The following PDE1A variants were observed in gnomAD, a reference collection of about 807,000 sequenced individuals.
PDE1A encodes the protein dual specificity calcium/calmodulin-dependent 3',5'-cyclic nucleotide phosphodiesterase 1A.
In PDE1A, 35 loss-of-function variants were observed where a neutral mutation model predicts 61.7. The observed-to-expected ratio is 0.57, with a 90% CI of 0.43 to 0.75. The LOEUF is 0.75. Among genes scored for constraint, PDE1A ranks in the 30% least tolerant of loss-of-function variants. PDE1A has a pLI of 0.00. For missense variants in PDE1A, 597 were observed against 630.6 expected (o/e 0.95, Z 0.57); for synonymous variants, 232 against 213.2 (o/e 1.09, Z -0.77).
intron 2 of PDE1A, among the ~76,000 whole-genome samples, chr2:182,518,588 G>A (rs768742470): frequency 1.3e-5 from 2 of 152,126 alleles, no homozygotes; most frequent in African/African-American, 2.4e-5. Flanking sequence ...TAAAATTAGC[G>A]ATCAGATATA....
At chr2:182,181,581 C>T (rs574000195) in intron 13 of PDE1A, among the ~76,000 whole-genome samples, 341 of 152,332 alleles carry the variant, frequency 2.2e-3, no homozygotes, top group Non-Finnish European at 3.0e-3. Context: ...AGAACTGGTG[C>T]ACTCTGCTGG....
At chr2:182,567,703 T>C in the PDE1A span, among the ~76,000 whole-genome samples, 4 of 152,148 alleles carry the variant, frequency 2.6e-5, no homozygotes, top group Admixed American at 6.5e-5. Flanking sequence ...TTGGTTGAAA[T>C]AAAATCTAAT....
At chr2:182,694,833 G>GC in the PDE1A span, among the ~76,000 whole-genome samples, 6 of 101,890 alleles carry the variant, frequency 5.9e-5, no homozygotes, top group African/African-American at 1.8e-4. Flanking sequence ...GGTGGGGGGG[G>GC]GGCAACAGTT....
intron 1 of PDE1A, among the ~76,000 whole-genome samples, chr2:182,326,866 G>T (rs568289158): frequency 6.6e-6 from 1 of 152,194 alleles, no homozygotes; most frequent in East Asian, 1.9e-4. Flanking sequence ...TCTGAATATT[G>T]GTGATTCAGT....
In PDE1A at chr2:182,335,256, G is replaced by T. The variant is rs541795381; in HGVS notation, c.54-70842C>A. On this transcript the variant is annotated intron_variant, in intron 1 of 13. Coordinates refer to ENST00000351439, the Ensembl canonical transcript of PDE1A. ...ACCACTGACTTTCTTCACAGAATTA[G>T]AAAAAATGACTTTAAATTTCATATT... 9.9e-5 allele frequency among the ~76,000 whole-genome samples: 15 copies of T among 152,198 alleles called. 1 individual carries two copies. The South Asian group carries it at 3.1e-3, about 32-fold the overall frequency.
chr2:182,431,021 G>A (rs1410594502), upstream of PDE1A, among the ~76,000 whole-genome samples: 3 of 136,796 alleles, frequency 2.2e-5, no homozygotes, highest in Non-Finnish European at 4.8e-5. Flanking sequence ...ATGAGTTAGT[G>A]GGTGCAGCGC....
At chr2:182,716,408 G>C in the PDE1A span, 2 of 152,548 alleles carry the variant, frequency 1.3e-5, no homozygotes, top group Admixed American at 1.3e-4. Context: ...CGGTGCTTGG[G>C]CTCGGCCAGG....
intron 2 of PDE1A, among the ~76,000 whole-genome samples, chr2:182,513,431 C>A (rs1318981715): frequency 6.6e-6 from 1 of 152,218 alleles, no homozygotes; most frequent in African/African-American, 2.4e-5. Flanking sequence ...ACCTGCTTTA[C>A]AAGAGGTCCT....
At chr2:182,491,766 C>CTGTTTT (rs1688410396) in intron 2 of PDE1A, among the ~76,000 whole-genome samples, 1 of 52,182 alleles carries the variant, frequency 1.9e-5, no homozygotes, top group African/African-American at 8.7e-5. Context: ...TATTCTCATA[C>CTGTTTT]TTTTTCCTTG....
At chr2:182,431,993 T>C (rs914605924), upstream of PDE1A, among the ~76,000 whole-genome samples, 1 of 152,122 alleles carries the variant, frequency 6.6e-6, no homozygotes, top group Non-Finnish European at 1.5e-5. Context: ...TCAAGGTGAA[T>C]TGAATAGGCT....
At chr2:182,229,383 T>A (rs1300016093) in intron 6 of PDE1A, among the ~76,000 whole-genome samples, 1 of 152,080 alleles carries the variant, frequency 6.6e-6, no homozygotes, top group Non-Finnish European at 1.5e-5. Flanking sequence ...CCTCACTTTT[T>A]ACCTTCTGGG....
At chr2:182,201,647 T>TTA in intron 9 of PDE1A, 41 bp downstream of exon 9, 3 of 569,364 alleles carry the variant, frequency 5.3e-6, no homozygotes, top group Non-Finnish European at 4.6e-6. Context: ...AACTTTAACA[T>TTA]GACAAAAAAA....
At chr2:182,161,516 C>T (rs1162812160) in intron 13 of PDE1A, among the ~76,000 whole-genome samples, 1 of 152,042 alleles carries the variant, frequency 6.6e-6, no homozygotes, top group Non-Finnish European at 1.5e-5. Context: ...TCTTTTCCAC[C>T]CCTCTCTGGG....
intron 1 of PDE1A, among the ~76,000 whole-genome samples, chr2:182,367,460 T>G (rs954695045): frequency 6.6e-6 from 1 of 151,852 alleles, no homozygotes; most frequent in Non-Finnish European, 1.5e-5. Flanking sequence ...AAACCTGTAT[T>G]AAACATTAGA....
chr2:182,506,472 T>C (rs1282830616), intron 2 of PDE1A, among the ~76,000 whole-genome samples: 1 of 152,238 alleles, frequency 6.6e-6, no homozygotes. Flanking sequence ...ATAATATTAA[T>C]GCTTCTCTGG....
At chr2:182,223,895 C>G (rs1266583711) in exon 7 of PDE1A, 1 of 1,598,892 alleles carries the variant, frequency 6.3e-7, no homozygotes. Context: ...TTTGTTGTCC[C>G]TGTATGCTCA....
intron 2 of PDE1A, among the ~76,000 whole-genome samples, chr2:182,466,410 C>A (rs1220435227): frequency 6.6e-6 from 1 of 151,998 alleles, no homozygotes; most frequent in Non-Finnish European, 1.5e-5. Context: ...TCATTGATAA[C>A]TTCTGCCACC....
At chr2:182,275,833 C>T (rs1464338119) in intron 1 of PDE1A, among the ~76,000 whole-genome samples, 5 of 152,084 alleles carry the variant, frequency 3.3e-5, no homozygotes, top group Non-Finnish European at 5.9e-5. Flanking sequence ...TTCAACCAGT[C>T]ATAACTTCTT....
chr2:182,584,998 G>C, the PDE1A span, among the ~76,000 whole-genome samples: 10 of 152,132 alleles, frequency 6.6e-5, no homozygotes, highest in East Asian at 1.5e-3. Context: ...AAGTAAGAGG[G>C]TTCTTCAACT....
Sources: gnomAD v4.1 joint callset for allele counts (sites outside exome capture counted in the v4.1 genomes callset) on GRCh38, gnomAD v4.1.1 for gene constraint, MANE v1.5 for transcripts, NCBI Gene and HGNC (gene_info 2026-07-23, HGNC 2026-07-21) for gene names.